The following ELAVL2 variants were observed in gnomAD, a reference collection of about 807,000 sequenced individuals.
The protein encoded by ELAVL2 is ELAV like RNA binding protein 2, also known as ELAV-like protein 2.
ELAVL2 carries 4 observed loss-of-function variants against 34.6 expected under a neutral mutation model. The observed-to-expected ratio is 0.12, with a 90% CI of 0.06 to 0.26. ELAVL2 has a LOEUF of 0.26. Ranked by LOEUF, ELAVL2 falls within the 10% of genes least tolerant of loss-of-function variation. The pLI, the probability that ELAVL2 is intolerant of heterozygous loss-of-function variation, is 1.00. For synonymous variants in ELAVL2, 193 were observed against 154.8 expected, an observed-to-expected ratio of 1.25 and a Z score of -1.83; for missense variants, 432 against 442.8, an observed-to-expected ratio of 0.98 and a Z score of 0.22.
chr9:23,763,598 G>C (rs184000746), intron 1 of ELAVL2, among the ~76,000 whole-genome samples: 2 of 152,008 alleles, frequency 1.3e-5, no homozygotes, highest in East Asian at 3.9e-4. Context: ...GGGTTACAAG[G>C]AAAGAGAAAA....
chr9:23,729,607 C>A (rs577674208), intron 3 of ELAVL2, among the ~76,000 whole-genome samples: 101 of 152,010 alleles, frequency 6.6e-4, no homozygotes, highest in Admixed American at 3.0e-3. Flanking sequence ...TATACAGTAA[C>A]CAGTTCATTT....
chr9:23,810,990 T>C (rs986441101), intron 1 of ELAVL2, among the ~76,000 whole-genome samples: 3 of 152,186 alleles, frequency 2.0e-5, no homozygotes, highest in African/African-American at 7.2e-5. Flanking sequence ...CACTGCTAAC[T>C]TGACTGTCCA....
rs542318571 is a variant in ELAVL2, at chr9:23,743,418, T to C, written c.230-12293A>G. The stretch of plus-strand genomic sequence containing the variant: ...ATTCACGGATACTTTGAGGAAGATT[T>C]TGCTAAAAAGATTTTACCTAGACAA... On this transcript the variant is annotated intron_variant, in intron 2 of 6. Transcript: ENST00000397312. Among the ~76,000 whole-genome samples the C allele has an allele frequency of 4.6e-4, 70 of 152,288 alleles. No homozygotes were observed. The South Asian group carries it at 6.6e-3, about 14-fold the overall frequency.
rs894427245 is a variant in ELAVL2, at chr9:23,692,199, A to G, written c.*358T>C. The G allele has an allele frequency of 5.6e-6, 1 of 178,342 alleles. No homozygotes were observed. Among genetic ancestry groups the G allele is most frequent in the African/African-American group, 2.4e-5 (1 of 42,296 alleles). The allele number at this position is 178,342 out of a possible 1,614,324, so 11.0% of individuals were successfully genotyped here. ...AGACACAACCAACTGAAGAATTACA[A>G]CACAAAGCCTCAATATTTACTCACA... On this transcript the variant is annotated 3_prime_UTR_variant, in exon 7 of 7. Coordinates refer to ENST00000397312, the MANE Select transcript of ELAVL2 (RefSeq NM_004432.5).
At chr9:23,759,754 T>TATATATATATATA (rs1554719969) in intron 2 of ELAVL2, among the ~76,000 whole-genome samples, 5 of 81,352 alleles carry the variant, frequency 6.1e-5, no homozygotes, top group African/African-American at 1.7e-4. Flanking sequence ...ATATATAGTA[T>TATATATATATATA]TATATATATA....
intron 1 of ELAVL2, among the ~76,000 whole-genome samples, chr9:23,820,610 C>G (rs151265650): frequency 5.3e-5 from 8 of 152,232 alleles, no homozygotes; most frequent in African/African-American, 1.4e-4. Flanking sequence ...TGAAGGATAA[C>G]AAGGAGGCTT....
intron 2 of ELAVL2, among the ~76,000 whole-genome samples, chr9:23,760,661 A>AT (rs1206132702): frequency 6.6e-6 from 1 of 152,076 alleles, no homozygotes; most frequent in African/African-American, 2.4e-5. Flanking sequence ...CATCCATCTG[A>AT]TTATCAGTGT....
At chr9:23,772,683 C>G (rs1482609811) in intron 1 of ELAVL2, among the ~76,000 whole-genome samples, 2 of 151,882 alleles carry the variant, frequency 1.3e-5, no homozygotes, top group Non-Finnish European at 1.5e-5. Flanking sequence ...GAGAGCAAAA[C>G]AAGGAGTCTA....
At chr9:23,808,038 C>T (rs1196272353) in intron 1 of ELAVL2, among the ~76,000 whole-genome samples, 2 of 152,100 alleles carry the variant, frequency 1.3e-5, no homozygotes, top group Non-Finnish European at 2.9e-5. Context: ...AGCTGGGTGG[C>T]AGGAATCAGC....
intron 1 of ELAVL2, among the ~76,000 whole-genome samples, chr9:23,774,502 A>G (rs2057884791): frequency 6.6e-6 from 1 of 152,206 alleles, no homozygotes; most frequent in South Asian, 2.1e-4. Context: ...GGAAGTTAAA[A>G]ATTTTTACTT....
intron 3 of ELAVL2, among the ~76,000 whole-genome samples, chr9:23,720,465 C>A (rs1407576597): frequency 6.6e-6 from 1 of 152,100 alleles, no homozygotes; most frequent in Non-Finnish European, 1.5e-5. Flanking sequence ...CTGTGCCTGG[C>A]CAAGACACCC....
intron 3 of ELAVL2, among the ~76,000 whole-genome samples, chr9:23,707,019 T>TTA (rs1254328467): frequency 1.3e-5 from 2 of 152,226 alleles, no homozygotes; most frequent in African/African-American, 2.4e-5. Flanking sequence ...TGTTTGGAAG[T>TTA]TATATTAGCA....
chr9:23,817,788 A>G lies in ELAVL2; in HGVS notation c.-16+8018T>C, dbSNP rs201079970. ...AAATTTACTAGTGAAAAATGTCCTA[A>G]GTACCCCACAAAAATCTAAGATTTT... On this transcript the variant is annotated intron_variant, in intron 1 of 6. Coordinates refer to ENST00000397312, the MANE Select transcript of ELAVL2 (RefSeq NM_004432.5). Among the ~76,000 whole-genome samples, 19 of 152,338 alleles carry G rather than the reference A, an allele frequency of 1.2e-4. No homozygotes were observed. The East Asian group carries it at 3.7e-3, about 29-fold the overall frequency.
chr9:23,830,626 C>CACACCT (rs1491521757), upstream of ELAVL2, among the ~76,000 whole-genome samples: 36 of 72,548 alleles, frequency 5.0e-4, no homozygotes, highest in African/African-American at 9.7e-4. Context: ...ACACACACAC[C>CACACCT]TTTTTTTTTT....
intron 2 of ELAVL2, among the ~76,000 whole-genome samples, chr9:23,737,249 C>T (rs149744574): frequency 1.5e-3 from 236 of 152,272 alleles, no homozygotes; most frequent in Middle Eastern, 3.4e-3. Context: ...ATCTGCCTTC[C>T]AGGAGCCTGT....
At chr9:23,831,875 G>T in the ELAVL2 span, among the ~76,000 whole-genome samples, 3 of 152,126 alleles carry the variant, frequency 2.0e-5, no homozygotes, top group African/African-American at 7.2e-5. Flanking sequence ...AATTATTTGG[G>T]GAAGGGAAGC....
chr9:23,801,548 C>G (rs940173337), intron 1 of ELAVL2, among the ~76,000 whole-genome samples: 5 of 152,178 alleles, frequency 3.3e-5, no homozygotes, highest in African/African-American at 7.2e-5. Flanking sequence ...ATCTCACCAA[C>G]AGAAGTGTCC....
the ELAVL2 span, among the ~76,000 whole-genome samples, chr9:23,847,880 A>C: frequency 1.3e-5 from 2 of 152,068 alleles, no homozygotes; most frequent in Admixed American, 1.3e-4. Context: ...TATTTTAAAT[A>C]ATAATTTTTA....
intron 2 of ELAVL2, among the ~76,000 whole-genome samples, chr9:23,760,593 C>G (rs2054745895): frequency 6.6e-6 from 1 of 151,958 alleles, no homozygotes; most frequent in African/African-American, 2.4e-5. Flanking sequence ...TTATTAAAAA[C>G]ACTATAAATT....
Sources: allele counts gnomAD v4.1 joint callset (sites outside exome capture counted in the v4.1 genomes callset), GRCh38; gene constraint gnomAD v4.1.1; transcripts MANE v1.5; gene names NCBI Gene and HGNC (gene_info 2026-07-23, HGNC 2026-07-21).